The following ADCY4 variants were observed in gnomAD, a reference collection of about 807,000 sequenced individuals.
ADCY4 encodes adenylate cyclase type 4.
Under a neutral mutation model 125.5 loss-of-function variants are expected in ADCY4, and 111 were observed. The ratio of observed to expected loss-of-function variants is 0.88; its 90% CI spans 0.76 to 1.04. The LOEUF is 1.04. Ranked by LOEUF, ADCY4 falls within the 50% of genes least tolerant of loss-of-function variation. The probability of loss-of-function intolerance (pLI) is 0.00; values close to 1 mark genes in which losing one functional copy is unlikely to be tolerated. For synonymous variants in ADCY4, 576 were observed against 586.9 expected, an observed-to-expected ratio of 0.98 and a Z score of 0.27; for missense variants, 1,256 against 1,382.9, an observed-to-expected ratio of 0.91 and a Z score of 1.46.
intron 19 of ADCY4, 182 bp from the exon 20 acceptor site, chr14:24,322,406 G>T: frequency 1.2e-6 from 1 of 869,216 alleles, no homozygotes; most frequent in Non-Finnish European, 1.7e-6. Flanking sequence ...TCAGACTAGG[G>T]ATAGAGAATT....
chr14:24,326,704 C>T (rs1304793537), intron 10 of ADCY4, among the ~76,000 whole-genome samples: 1 of 151,396 alleles, frequency 6.6e-6, no homozygotes, highest in Non-Finnish European at 1.5e-5. Context: ...ACCGATTTTC[C>T]TGCCTCAGCC....
chr14:24,329,191 G>T lies in ADCY4; in HGVS notation c.1394C>A (p.Ser465Tyr). Residue 465 changes from serine (S) to tyrosine (Y), a missense_variant, in exon 10 of 25, where the codon TCC becomes TAC. Physicochemically the swap from Ser to Tyr is moderately radical, Grantham distance 144. Transcript: ENST00000418030. ...DEKGTAGGLL[S>Y]SLEGLKMRPS... ...ACGCATCTTGAGGCCCTCAAGCGAG[G>T]ACAGCAAGCCTCCTGCAGTGCCCTT... 1.9e-6 allele frequency: 3 copies of T among 1,613,874 alleles called. No individual in the cohort carries two copies. The highest frequency in any genetic ancestry group is 1.7e-6 in the Non-Finnish European group (2 of 1,179,890).
At chr14:24,328,159 G>A (rs1238535415) in intron 10 of ADCY4, among the ~76,000 whole-genome samples, 3 of 149,688 alleles carry the variant, frequency 2.0e-5, no homozygotes, top group Non-Finnish European at 3.0e-5. Context: ...GTCACCAAGC[G>A]GATCATGGTC....
In ADCY4 at chr14:24,334,719, C is replaced by T; in HGVS notation, c.-67G>A. 2.3e-6 allele frequency: 3 copies of T among 1,317,310 alleles called. No homozygotes were observed. The highest frequency in any genetic ancestry group is 2.0e-6 in the Non-Finnish European group (2 of 990,116). The allele number at this position is 1,317,310 out of a possible 1,614,324, so 81.6% of individuals were successfully genotyped here. A position where few individuals can be genotyped will look rare whatever the true frequency, so the allele number is the denominator to read the frequency against. ...CGCCGGGTTACCTCCTTCGGCCCGG[C>T]GGGCCCCACCTGAGCTTTTCTCACC... is the stretch of plus-strand genomic sequence containing the variant. On this transcript the variant is annotated 5_prime_UTR_variant, in exon 1 of 25. Transcript: ENST00000418030.
Position 24,323,371 on chromosome 14 carries a change from A to G in ADCY4, c.2130T>C (p.Pro710=). 2 of 1,556,442 alleles carry G rather than the reference A, an allele frequency of 1.3e-6. No individual in the cohort carries two copies. Among genetic ancestry groups the G allele is most frequent in the Non-Finnish European group, 1.7e-6 (2 of 1,149,002 alleles). Residue 710 remains proline, a synonymous_variant, in exon 17 of 25, where the codon CCT becomes CCC. Coordinates refer to ENST00000418030, the MANE Select transcript of ADCY4 (RefSeq NM_001198568.2). ...SMISNLSWEL[P]GSLPLISVPY... The stretch of plus-strand genomic sequence containing the variant: ...GGACACTGATGAGAGGCAGAGACCC[A>G]GGGAGCTCCCAGGAGAGGTTGGAAA...
rs745643598 is a variant in ADCY4, at chr14:24,323,402, G to C, written c.2099C>G (p.Ser700Cys). The C allele has an allele frequency of 4.4e-5, 68 of 1,557,662 alleles. No homozygotes were observed. The highest frequency in any genetic ancestry group is 5.6e-5 in the Non-Finnish European group (64 of 1,149,730). ...CTCCCAGGAGAGGTTGGAAATCATG[G>C]AGGACACATTGGGAGCTTGGAAAGG... ...DCPFQAPNVS[S>C]MISNLSWELP... The change falls in exon 17 of 25, where the codon TCC becomes TGC. Residue 700 changes from serine to cysteine, a missense_variant. Coordinates refer to ENST00000418030, the MANE Select transcript of ADCY4 (RefSeq NM_001198568.2).
intron 18 of ADCY4, 73 bp from the exon 19 acceptor site, chr14:24,322,781 CT>C: frequency 6.4e-7 from 1 of 1,560,332 alleles, no homozygotes; most frequent in Admixed American, 1.9e-5. Context: ...CCATGTAGGC[CT>C]CCGCTTCCCT....
chr14:24,325,816 A>C lies in ADCY4; in HGVS notation c.1725+2T>G. ...TTTGGTGCCACCCACACCACAGCCCACCTCTTTCTCCATCTCCTTCTCTCT... is the reference window on the plus strand; with the variant it reads ...TTTGGTGCCACCCACACCACAGCCCCCCTCTTTCTCCATCTCCTTCTCTCT... On this transcript the variant is annotated splice_donor_variant, in intron 13 of 24. Coordinates refer to ENST00000418030, the MANE Select transcript of ADCY4 (RefSeq NM_001198568.2). LOFTEE classifies it high-confidence loss of function. 1 of 1,593,428 alleles carries C rather than the reference A, an allele frequency of 6.3e-7. No homozygotes were observed. Among genetic ancestry groups the C allele is most frequent in the African/African-American group, 1.3e-5 (1 of 74,792 alleles).
intron 4 of ADCY4, 23 bp from the exon 5 acceptor site, chr14:24,331,379 C>A (rs1256979811): frequency 1.9e-6 from 3 of 1,612,694 alleles, no homozygotes; most frequent in Non-Finnish European, 2.5e-6. Context: ...ACCATGAACA[C>A]CAACTCTTCT....
rs188484235 is a variant in ADCY4, at chr14:24,325,180, G to T, written c.1823+197C>A. Among the ~76,000 whole-genome samples the T allele has an allele frequency of 2.0e-3, 291 of 142,892 alleles. 5 individuals carry two copies. Among genetic ancestry groups the T allele is most frequent in the Admixed American group, 5.3e-3 (77 of 14,592 alleles). The allele number at this position is 142,892 out of a possible 152,430, so 93.7% of individuals were successfully genotyped here. A position where few individuals can be genotyped will look rare whatever the true frequency, so the allele number is the denominator to read the frequency against. On this transcript the variant is annotated intron_variant, in intron 14 of 24. Transcript: ENST00000418030. ...ATGCTCATGGGAAAATGCTAGGGCT[G>T]TGTAGAAAGTCCACAGGATCTACAA...
At chr14:24,326,014 C>A in intron 12 of ADCY4, 65 bp downstream of exon 12, 1 of 1,499,938 alleles carries the variant, frequency 6.7e-7, no homozygotes, top group Non-Finnish European at 9.0e-7. Flanking sequence ...TCAGGGAGCA[C>A]CATCCCTTCT....
rs1336664215 is a variant in ADCY4 at position 24,322,408 on chromosome 14, T to C, written c.2428-184A>G. On this transcript the variant is annotated intron_variant, in intron 19 of 24. Coordinates refer to ENST00000418030, the MANE Select transcript of ADCY4 (RefSeq NM_001198568.2). ...CTTGAAATTAGATTCAGACTAGGGA[T>C]AGAGAATTGGCAGCAGACTTTTTCT... 4.6e-6 allele frequency: 4 copies of C among 862,136 alleles called. No homozygotes were observed. The African/African-American group carries it at 5.1e-5, about 11-fold the overall frequency. The allele number at this position is 862,136 out of a possible 1,614,324, so 53.4% of individuals were successfully genotyped here. A position where few individuals can be genotyped will look rare whatever the true frequency, so the allele number is the denominator to read the frequency against.
rs745651985 is a variant in ADCY4, at chr14:24,332,896, T to A, written c.252A>T (p.Arg84=). ...LLLGLASREQ[R]LQRWTRPLSG... ...ACAGGGGACGCGTCCAGCGCTGCAG[T>A]CGCTGCTCCCGGGAAGCGAGGCCCA... The change falls in exon 2 of 25, where the codon CGA becomes CGT. Residue 84 remains arginine (R), a synonymous_variant. Coordinates refer to ENST00000418030, the MANE Select transcript of ADCY4 (RefSeq NM_001198568.2). 6.2e-7 allele frequency: 1 copy of A among 1,605,320 alleles called. No individual in the cohort carries two copies. The highest frequency in any genetic ancestry group is 8.5e-7 in the Non-Finnish European group (1 of 1,175,468).
intron 10 of ADCY4, 58 bp downstream of exon 10, chr14:24,329,003 G>A: frequency 6.3e-7 from 1 of 1,574,904 alleles, no homozygotes; most frequent in Non-Finnish European, 8.6e-7. Flanking sequence ...AGTGGGGCCT[G>A]AGGATACTGG....
chr14:24,318,418 A>G lies in ADCY4; in HGVS notation c.3232T>C (p.Ter1078ArgextTer?). The G allele has an allele frequency of 1.9e-6, 3 of 1,613,734 alleles. No individual in the cohort carries two copies. The highest frequency in any genetic ancestry group is 1.7e-4 in the Middle Eastern group (1 of 6,060). Residue 1078 changes from the stop codon to arginine, a stop_lost, in exon 25 of 25, where the codon TGA becomes CGA. Transcript: ENST00000418030. Reference protein sequence around the residue: ...RTGPPSATLG* With the variant: ...RTGPPSATLGR ...GTTCTTAGAAGGCGAGTGCAATCTC[A>G]GCCTAGGGTAGCTGAAGGAGGTCCA...
At position 24,332,897 on chromosome 14, in the gene ADCY4, C is replaced by A; in HGVS notation, c.251G>T (p.Arg84Leu). The part of the protein sequence containing the change: ...LLLGLASREQ[R>L]LQRWTRPLSG... ...CAGGGGACGCGTCCAGCGCTGCAGT[C>A]GCTGCTCCCGGGAAGCGAGGCCCAG... The change falls in exon 2 of 25, where the codon CGA becomes CTA. Residue 84 changes from arginine to leucine, a missense_variant. Arg to Leu is a moderately radical substitution (Grantham distance 102). Transcript: ENST00000418030. The A allele has an allele frequency of 6.2e-7, 1 of 1,605,494 alleles. No individual in the cohort carries two copies. Among genetic ancestry groups the A allele is most frequent in the Non-Finnish European group, 8.5e-7 (1 of 1,175,562 alleles).
rs370308160 is a variant in ADCY4, at chr14:24,322,077, G to A, written c.2575C>T (p.Arg859Trp). ...GGGTCAGGAGTCACCTCGTTGCGCC[G>A]GTTCTGGCCAATGAACTGGGGGGCC... ...HVAPQFIGQN[R>W]RNEDLYHQSY... Residue 859 changes from arginine to tryptophan, a missense_variant, in exon 20 of 25, where the codon CGG becomes TGG. Physicochemically the swap from Arg to Trp is moderately radical, Grantham distance 101. Transcript: ENST00000418030. The A allele has an allele frequency of 3.7e-5, 60 of 1,612,702 alleles. No individual in the cohort carries two copies. Among genetic ancestry groups the A allele is most frequent in the Middle Eastern group, 1.7e-4 (1 of 6,056 alleles).
chr14:24,334,665 C>A lies in ADCY4; in HGVS notation c.-13G>T. On this transcript the variant is annotated 5_prime_UTR_variant, in exon 1 of 25. Transcript: ENST00000418030. ...AGAGGCGGGCCATGATCTCCCCAGC[C>A]CCGAGCCCCGGGGCTGGCTAGGGCC... The A allele has an allele frequency of 6.5e-7, 1 of 1,532,786 alleles. No individual in the cohort carries two copies. 94.9% of individuals were successfully genotyped at this position (1,532,786 alleles called of 1,614,324 possible).
chr14:24,322,401 C>A (rs2041866062), intron 19 of ADCY4, 177 bp from the exon 20 acceptor site: 7 of 879,400 alleles, frequency 8.0e-6, no homozygotes, highest in South Asian at 5.4e-5. Context: ...TAGATTCAGA[C>A]TAGGGATAGA....
Sources: allele counts gnomAD v4.1 joint callset (sites outside exome capture counted in the v4.1 genomes callset), GRCh38; gene constraint gnomAD v4.1.1; transcripts MANE v1.5; gene names NCBI Gene and HGNC (gene_info 2026-07-23, HGNC 2026-07-21).